Variants in NTN1 observed in about 807,000 individuals in gnomAD.
NTN1 encodes netrin-1.
In NTN1, 11 loss-of-function variants were observed where a neutral mutation model predicts 54.2. The observed-to-expected ratio is 0.20, with a 90% CI of 0.13 to 0.34. NTN1 has a LOEUF of 0.34. Ranked by LOEUF, NTN1 falls within the 10% of genes least tolerant of loss-of-function variation. NTN1 has a pLI of 1.00. For missense variants in NTN1, 740 were observed against 893.1 expected (o/e 0.83, Z 2.18); for synonymous variants, 371 against 382.0 (o/e 0.97, Z 0.33).
chr17:9,191,591 T>C (rs574557209), intron 5 of NTN1, among the ~76,000 whole-genome samples: 5 of 152,236 alleles, frequency 3.3e-5, no homozygotes, highest in South Asian at 4.1e-4. Context: ...TAAAGAACTT[T>C]TACAGTTCAA....
chr17:9,127,071 C>CG (rs5819215), intron 2 of NTN1, among the ~76,000 whole-genome samples: 26,875 of 81,230 alleles, frequency 0.33, 3,588 homozygotes, highest in East Asian at 0.57. Flanking sequence ...GTGGTAGGGC[C>CG]GGGGGGGGGC....
intron 2 of NTN1, 47 bp from the exon 3 acceptor site, chr17:9,162,766 C>A: frequency 6.4e-7 from 1 of 1,551,010 alleles, no homozygotes; most frequent in Non-Finnish European, 8.8e-7. Flanking sequence ...GGTGCCTGTC[C>A]TCCCCGCGCC....
chr17:9,055,732 A>AT (rs1480336457), intron 2 of NTN1, among the ~76,000 whole-genome samples: 1 of 151,580 alleles, frequency 6.6e-6, no homozygotes, highest in African/African-American at 2.4e-5. Flanking sequence ...TTTAATTTTT[A>AT]TTTTTTTGAG....
chr17:9,184,390 A>G (rs2092427187), intron 5 of NTN1, among the ~76,000 whole-genome samples: 1 of 152,230 alleles, frequency 6.6e-6, no homozygotes. Context: ...GTGGGAGATG[A>G]GGAAGCTCTC....
At chr17:9,108,851 GTTTTTC>G (rs762350392) in intron 2 of NTN1, among the ~76,000 whole-genome samples, 62 of 152,142 alleles carry the variant, frequency 4.1e-4, no homozygotes, top group South Asian at 1.7e-3. Context: ...TCTCTTCAAT[GTTTTTC>G]TTTTTCTTTT....
chr17:9,157,949 C>G (rs2092347744), intron 2 of NTN1, among the ~76,000 whole-genome samples: 1 of 152,198 alleles, frequency 6.6e-6, no homozygotes, highest in Non-Finnish European at 1.5e-5. Context: ...TAAGGTGTCT[C>G]TCTGAGGAAG....
At chr17:9,193,925 A>AAAAAAAACAAAACAAAAC (rs1904541924) in intron 5 of NTN1, among the ~76,000 whole-genome samples, 1 of 132,500 alleles carries the variant, frequency 7.5e-6, no homozygotes, top group African/African-American at 2.9e-5. Flanking sequence ...CCGACTAAAA[A>AAAAAAAACAAAACAAAAC]AAAAAAAAAA....
At position 9,211,119 on chromosome 17, in the gene NTN1, A is replaced by G. The variant is rs916093007; in HGVS notation, c.1412-10049A>G. On this transcript the variant is annotated intron_variant, in intron 5 of 6. Coordinates refer to ENST00000173229, the MANE Select transcript of NTN1 (RefSeq NM_004822.3). This position sits in a 1 kb window ranked among gnomAD's most constrained non-coding sequence, Gnocchi z 4.4. ...CTAGAATAAAATCCAAACCCCTGCC[A>G]TTGTTGAAAAGGCCCTAGGGACTCC... 3.3e-5 allele frequency among the ~76,000 whole-genome samples: 5 copies of G among 152,126 alleles called. No individual in the cohort carries two copies. The highest frequency in any genetic ancestry group is 1.2e-4 in the African/African-American group (5 of 41,416).
chr17:9,230,448 AC>A (rs35782280), intron 6 of NTN1, among the ~76,000 whole-genome samples: 41 of 56,396 alleles, frequency 7.3e-4, no homozygotes, highest in Middle Eastern at 0.014. Flanking sequence ...ACCAGATGTG[AC>A]CCCCCCCCCG....
At chr17:9,196,637 T>A (rs1465100778) in intron 5 of NTN1, among the ~76,000 whole-genome samples, 1 of 152,234 alleles carries the variant, frequency 6.6e-6, no homozygotes, top group Non-Finnish European at 1.5e-5. Context: ...TAGATTGGTG[T>A]CTAGGAGGGA....
chr17:9,067,291 G>A (rs989527269), intron 2 of NTN1, among the ~76,000 whole-genome samples: 2 of 151,306 alleles, frequency 1.3e-5, no homozygotes, highest in Admixed American at 6.6e-5. Flanking sequence ...ATGGCATGTT[G>A]TTAGGGATGT....
At chr17:9,037,962 T>C (rs972192524) in intron 2 of NTN1, among the ~76,000 whole-genome samples, 1 of 152,190 alleles carries the variant, frequency 6.6e-6, no homozygotes, top group African/African-American at 2.4e-5. Flanking sequence ...GCTTCCTCTC[T>C]ATTCTCATCT....
chr17:9,018,531 G>A (rs1256809020), upstream of NTN1, among the ~76,000 whole-genome samples: 1 of 151,566 alleles, frequency 6.6e-6, no homozygotes, highest in African/African-American at 2.4e-5. Context: ...CTACTTGGGA[G>A]GCTGAGGCAG....
At chr17:9,179,629 G>T (rs778388871) in intron 3 of NTN1, among the ~76,000 whole-genome samples, 178 bp from the exon 4 acceptor site, 6 of 152,314 alleles carry the variant, frequency 3.9e-5, no homozygotes, top group African/African-American at 7.2e-5. Flanking sequence ...TTTCCAGGTA[G>T]GTGGGTGGCC....
intron 2 of NTN1, among the ~76,000 whole-genome samples, chr17:9,073,983 C>G (rs1465341633): frequency 1.3e-5 from 2 of 152,174 alleles, no homozygotes; most frequent in African/African-American, 4.8e-5. Context: ...CTGGAAGATG[C>G]TCGATTCTTG....
chr17:9,029,109 C>G (rs2091881060), intron 2 of NTN1, among the ~76,000 whole-genome samples: 1 of 151,984 alleles, frequency 6.6e-6, no homozygotes, highest in Non-Finnish European at 1.5e-5. Context: ...CTTGTGGTCT[C>G]TGCAGGCTCA....
rs112014025 is a variant in NTN1 at position 9,084,269 on chromosome 17, G to A, written c.1018+60878G>A. Among the ~76,000 whole-genome samples the A allele has an allele frequency of 3.0e-3, 454 of 152,284 alleles. 5 individuals carry two copies. The highest frequency in any genetic ancestry group is 0.01 in the African/African-American group (424 of 41,546). On this transcript the variant is annotated intron_variant, in intron 2 of 6. Coordinates refer to ENST00000173229, the MANE Select transcript of NTN1 (RefSeq NM_004822.3). ...ATTACAGGCATGTGCCACCACGCCT[G>A]CATGAGATAAGATATTCCTGTGGCT...
At chr17:9,092,880 T>A (rs1250668505) in intron 2 of NTN1, among the ~76,000 whole-genome samples, 1 of 152,132 alleles carries the variant, frequency 6.6e-6, no homozygotes, top group Non-Finnish European at 1.5e-5. Context: ...TGCCTCAGCC[T>A]CCTGAGTAGC....
intron 5 of NTN1, among the ~76,000 whole-genome samples, chr17:9,194,042 C>G (rs1304754733): frequency 6.6e-6 from 1 of 151,480 alleles, no homozygotes; most frequent in Non-Finnish European, 1.5e-5. Context: ...TTGAGACCAG[C>G]CTGGCCAACA....
Sources: gnomAD v4.1 joint callset for allele counts (sites outside exome capture counted in the v4.1 genomes callset) on GRCh38, gnomAD v4.1.1 for gene constraint, Gnocchi (gnomAD v3.1) non-coding constraint, MANE v1.5 for transcripts, NCBI Gene and HGNC (gene_info 2026-07-23, HGNC 2026-07-21) for gene names.